The following KIAA1217 variants were observed in gnomAD, a reference collection of about 807,000 sequenced individuals.
KIAA1217 encodes KIAA1217.
Under a neutral mutation model 163.9 loss-of-function variants are expected in KIAA1217, and 88 were observed. The ratio of observed to expected loss-of-function variants is 0.54; its 90% CI spans 0.45 to 0.64. KIAA1217 has a LOEUF of 0.64. Ranked by LOEUF, KIAA1217 falls within the 30% of genes least tolerant of loss-of-function variation. KIAA1217 has a pLI of 0.00. For synonymous variants in KIAA1217, 903 were observed against 923.1 expected, an observed-to-expected ratio of 0.98 and a Z score of 0.39; for missense variants, 2,372 against 2,475.0, an observed-to-expected ratio of 0.96 and a Z score of 0.88.
intron 2 of KIAA1217, among the ~76,000 whole-genome samples, chr10:24,364,124 G>A (rs551711544): frequency 2.5e-4 from 38 of 151,900 alleles, no homozygotes; most frequent in East Asian, 5.9e-4. Flanking sequence ...GATTACAGGC[G>A]CCCACCACCA....
At chr10:23,990,628 T>G (rs1428997229) in intron 1 of KIAA1217, among the ~76,000 whole-genome samples, 1 of 152,208 alleles carries the variant, frequency 6.6e-6, no homozygotes, top group Admixed American at 6.5e-5. Context: ...TGTTTTTTTC[T>G]GATTTTTTTC....
intron 3 of KIAA1217, among the ~76,000 whole-genome samples, chr10:24,392,731 T>C (rs1372461333): frequency 2.0e-5 from 3 of 152,246 alleles, no homozygotes; most frequent in African/African-American, 7.2e-5. Context: ...TGGAAATTTA[T>C]GGATTCAGAT....
At chr10:23,732,174 C>A in intron 1 of KIAA1217, among the ~76,000 whole-genome samples, 1 of 152,120 alleles carries the variant, frequency 6.6e-6, no homozygotes, top group East Asian at 1.9e-4. Flanking sequence ...GTAATTTCTT[C>A]TTTAAATGTT....
In KIAA1217 at chr10:24,521,947, G is replaced by A. The variant is rs777122910; in HGVS notation, c.2456+18G>A. 3.8e-6 allele frequency: 6 copies of A among 1,597,728 alleles called. No homozygotes were observed. The highest frequency in any genetic ancestry group is 3.3e-5 in the Admixed American group (2 of 59,758). On this transcript the variant is annotated intron_variant, in intron 12 of 20. Coordinates refer to ENST00000376454, the MANE Select transcript of KIAA1217 (RefSeq NM_019590.5). ...CTGCGGAGGTGACCGGGCCCTCATC[G>A]TGCTGGGGGTGGCCTGCGGAGGGGT...
chr10:23,727,873 C>T (rs1838261620), intron 1 of KIAA1217, among the ~76,000 whole-genome samples: 1 of 152,142 alleles, frequency 6.6e-6, no homozygotes, highest in Admixed American at 6.5e-5. Context: ...GTTGAACTCT[C>T]ACTTATGAGT....
At chr10:24,086,497 T>G (rs1490292310) in intron 2 of KIAA1217, among the ~76,000 whole-genome samples, 1 of 152,168 alleles carries the variant, frequency 6.6e-6, no homozygotes, top group Non-Finnish European at 1.5e-5. Flanking sequence ...CCAGGTTGAT[T>G]TTGTTGTTGT....
At chr10:23,840,040 C>T (rs1467404753) in intron 1 of KIAA1217, among the ~76,000 whole-genome samples, 2 of 152,000 alleles carry the variant, frequency 1.3e-5, no homozygotes, top group African/African-American at 4.8e-5. Flanking sequence ...TTCTGTGATC[C>T]CTGGGCAGTG....
intron 2 of KIAA1217, among the ~76,000 whole-genome samples, chr10:24,308,690 C>T (rs1049946041): frequency 1.3e-5 from 2 of 152,170 alleles, no homozygotes; most frequent in African/African-American, 2.4e-5. Context: ...TTGTTATTCT[C>T]CCTAAGAAGT....
At chr10:24,315,964 G>A (rs16924573) in intron 2 of KIAA1217, among the ~76,000 whole-genome samples, 13,219 of 150,844 alleles carry the variant, frequency 0.088, 757 homozygotes, top group East Asian at 0.2. Context: ...TTTAAAGACA[G>A]CCAGTATAAT....
intron 2 of KIAA1217, among the ~76,000 whole-genome samples, chr10:24,298,879 A>G (rs1316569358): frequency 6.6e-6 from 1 of 152,152 alleles, no homozygotes; most frequent in Non-Finnish European, 1.5e-5. Flanking sequence ...ACAATCTTGG[A>G]GGGAATTCAT....
chr10:23,986,053 G>A (rs548225220), intron 1 of KIAA1217, among the ~76,000 whole-genome samples: 2 of 152,312 alleles, frequency 1.3e-5, no homozygotes, highest in Admixed American at 1.3e-4. Context: ...ATTGTTTAAT[G>A]TATTGTTATC....
intron 1 of KIAA1217, among the ~76,000 whole-genome samples, chr10:23,977,095 C>G (rs912508061): frequency 4.6e-5 from 7 of 152,074 alleles, no homozygotes; most frequent in Non-Finnish European, 8.8e-5. Context: ...TGATGAGTAT[C>G]CTTAAAAAAA....
chr10:24,344,281 A>T (rs2047454400), intron 2 of KIAA1217, among the ~76,000 whole-genome samples: 1 of 152,256 alleles, frequency 6.6e-6, no homozygotes, highest in East Asian at 1.9e-4. Flanking sequence ...GCGTTCAATA[A>T]ATCTACTGTA....
At chr10:23,904,764 T>G (rs1842083974) in intron 1 of KIAA1217, among the ~76,000 whole-genome samples, 1 of 152,052 alleles carries the variant, frequency 6.6e-6, no homozygotes. Flanking sequence ...AAAATATTGG[T>G]GAGCAGCAGC....
At chr10:23,759,375 C>G (rs76722746) in intron 1 of KIAA1217, among the ~76,000 whole-genome samples, 1 of 152,130 alleles carries the variant, frequency 6.6e-6, no homozygotes, top group Non-Finnish European at 1.5e-5. Context: ...TTTGCTTCTT[C>G]CTTTCCAATT....
intron 2 of KIAA1217, among the ~76,000 whole-genome samples, chr10:24,128,014 C>G (rs1036913926): frequency 6.6e-6 from 1 of 152,198 alleles, no homozygotes; most frequent in African/African-American, 2.4e-5. Flanking sequence ...AAAGTTATTT[C>G]TGAAGCCTCA....
chr10:23,855,804 C>A (rs529243331), intron 1 of KIAA1217, among the ~76,000 whole-genome samples: 2 of 152,160 alleles, frequency 1.3e-5, no homozygotes, highest in Non-Finnish European at 2.9e-5. Context: ...TTGATCGCAT[C>A]GGCTCCTGAG....
At chr10:23,705,505 G>C (rs1287725834) in intron 1 of KIAA1217, among the ~76,000 whole-genome samples, 1 of 152,134 alleles carries the variant, frequency 6.6e-6, no homozygotes, top group African/African-American at 2.4e-5. Context: ...TTTGTGAAAA[G>C]TAATCAAATT....
At chr10:23,943,131 A>T (rs990085653) in intron 1 of KIAA1217, among the ~76,000 whole-genome samples, 4 of 151,872 alleles carry the variant, frequency 2.6e-5, no homozygotes, top group African/African-American at 9.7e-5. Flanking sequence ...CTCAAAATTT[A>T]AAAAAAAGAA....
Sources: allele counts gnomAD v4.1 joint callset (sites outside exome capture counted in the v4.1 genomes callset), GRCh38; gene constraint gnomAD v4.1.1; transcripts MANE v1.5; gene names NCBI Gene and HGNC (gene_info 2026-07-23, HGNC 2026-07-21).